Variants in ARHGEF17 observed in about 807,000 individuals in gnomAD.
The protein encoded by ARHGEF17 is 164 kDa Rho-specific guanine-nucleotide exchange factor.
A neutral mutation model predicts 174.0 loss-of-function variants in ARHGEF17; 80 were observed. That is an observed-to-expected ratio of 0.46 (90% CI 0.38 to 0.55). The LOEUF (loss-of-function observed/expected upper bound fraction) is 0.55. Among genes scored for constraint, ARHGEF17 ranks in the 20% least tolerant of loss-of-function variants. The probability of loss-of-function intolerance (pLI) is 0.00; values close to 1 mark genes in which losing one functional copy is unlikely to be tolerated. For synonymous variants in ARHGEF17, 1,311 were observed against 1,189.1 expected (o/e 1.10, Z -2.11); for missense variants, 2,886 against 2,839.7 (o/e 1.02, Z -0.37).
chr11:73,313,992 C>T (rs529300221), intron 1 of ARHGEF17, among the ~76,000 whole-genome samples: 2 of 152,320 alleles, frequency 1.3e-5, no homozygotes, highest in African/African-American at 4.8e-5. Context: ...CCTCGGGGGC[C>T]TCAGTATAAC....
intron 1 of ARHGEF17, among the ~76,000 whole-genome samples, chr11:73,324,704 G>T (rs568512854): frequency 6.6e-6 from 1 of 152,366 alleles, no homozygotes; most frequent in East Asian, 1.9e-4. Context: ...TTTCAGGACT[G>T]CCTGAGTTGG....
In ARHGEF17 at chr11:73,356,592, G is replaced by T. The variant is rs569039804; in HGVS notation, c.3841-117G>T. 3.3e-5 allele frequency: 45 copies of T among 1,380,870 alleles called. No homozygotes were observed. In the South Asian group the frequency reaches 5.6e-4, roughly 17 times the overall value. 85.5% of individuals were successfully genotyped at this position (1,380,870 alleles called of 1,614,324 possible). Reference sequence around the variant, plus strand: ...AGCACAAGGGCATTGAGGGTGGGAAGCATGCTGCTTCCATTGGCCTAGCCC... The same window carrying T: ...AGCACAAGGGCATTGAGGGTGGGAATCATGCTGCTTCCATTGGCCTAGCCC... On this transcript the variant is annotated intron_variant, in intron 6 of 20. Transcript: ENST00000263674.
chr11:73,352,213 A>C (rs892282890), intron 2 of ARHGEF17, among the ~76,000 whole-genome samples: 1 of 152,096 alleles, frequency 6.6e-6, no homozygotes, highest in African/African-American at 2.4e-5. Flanking sequence ...AATCCCAGCT[A>C]CTCGGGAGGC....
chr11:73,315,564 G>A (rs1308262453), intron 1 of ARHGEF17, among the ~76,000 whole-genome samples: 23 of 152,154 alleles, frequency 1.5e-4, no homozygotes, highest in Admixed American at 1.3e-3. Flanking sequence ...AACTGGTTCT[G>A]GGGGGAAAGG....
intron 1 of ARHGEF17, among the ~76,000 whole-genome samples, chr11:73,324,091 G>A (rs181845041): frequency 1.3e-3 from 205 of 152,298 alleles, no homozygotes; most frequent in African/African-American, 4.2e-3. Flanking sequence ...TTAGGAAAAC[G>A]GCCGTGTAGG....
intron 1 of ARHGEF17, among the ~76,000 whole-genome samples, chr11:73,323,371 G>C (rs1331598077): frequency 6.6e-6 from 1 of 152,220 alleles, no homozygotes; most frequent in Non-Finnish European, 1.5e-5. Context: ...CTGAGGGAGA[G>C]GGACTGGTAG....
Position 73,308,660 on chromosome 11 carries a change from C to A in ARHGEF17, c.22C>A (p.Pro8Thr), listed in dbSNP as rs907588553. ...CACTATGGCGGACGGGGCACCCCGG[C>A]CCCAGCTTTACCGCAGCGTCTCGTT... MADGAPRPQLYRSVSFKL... is the reference protein window; with the variant it reads MADGAPRTQLYRSVSFKL... The change falls in exon 1 of 21, where the codon CCC becomes ACC. Residue 8 changes from proline (P) to threonine (T), a missense_variant. Pro to Thr is a conservative substitution (Grantham distance 38). Transcript: ENST00000263674. 6.6e-7 allele frequency: 1 copy of A among 1,512,182 alleles called. No homozygotes were observed. The highest frequency in any genetic ancestry group is 1.4e-5 in the African/African-American group (1 of 69,062). 93.7% of individuals were successfully genotyped at this position (1,512,182 alleles called of 1,614,324 possible).
intron 1 of ARHGEF17, among the ~76,000 whole-genome samples, chr11:73,329,213 C>T (rs879038841): frequency 1.3e-5 from 2 of 149,478 alleles, no homozygotes; most frequent in Admixed American, 1.3e-4. Context: ...CCAGCAAATT[C>T]ATCATCTGTT....
Position 73,308,463 on chromosome 11 carries a change from TG to T in ARHGEF17, c.-174del. The T allele has an allele frequency of 1.8e-6, 1 of 550,488 alleles. No homozygotes were observed. Among genetic ancestry groups the T allele is most frequent in the Non-Finnish European group, 2.8e-6 (1 of 356,814 alleles). The allele number at this position is 550,488 out of a possible 1,614,324, so 34.1% of individuals were successfully genotyped here. A position where few individuals can be genotyped will look rare whatever the true frequency, so the allele number is the denominator to read the frequency against. On this transcript the variant is annotated 5_prime_UTR_variant, in exon 1 of 21. An upstream open reading frame in the 5' UTR loses its in-frame stop. Transcript: ENST00000263674. ...CCCGGGATGGAGACGTTGCGGCCGG[TG>T]GCCACAGAAACTTGAGCCGCGGCAG...
chr11:73,332,349 CCGTG>C (rs1239299405), intron 1 of ARHGEF17, among the ~76,000 whole-genome samples: 178 of 114,350 alleles, frequency 1.6e-3, no homozygotes, highest in African/African-American at 5.9e-3. Flanking sequence ...GGCTTTTTCT[CCGTG>C]TGTGTGTGTG....
At chr11:73,338,841 C>T (rs1303891157) in intron 1 of ARHGEF17, among the ~76,000 whole-genome samples, 1 of 151,906 alleles carries the variant, frequency 6.6e-6, no homozygotes, top group Non-Finnish European at 1.5e-5. Context: ...CTCTCTGAGC[C>T]TCAGTTTCCT....
intron 1 of ARHGEF17, among the ~76,000 whole-genome samples, chr11:73,340,397 T>A (rs1343159480): frequency 1.3e-5 from 2 of 152,122 alleles, no homozygotes; most frequent in African/African-American, 4.8e-5. Flanking sequence ...CAGGACCTTG[T>A]TCTTGCCATG....
intron 1 of ARHGEF17, among the ~76,000 whole-genome samples, chr11:73,332,459 A>G (rs1365928355): frequency 1.4e-5 from 2 of 145,108 alleles, no homozygotes; most frequent in Non-Finnish European, 3.0e-5. Flanking sequence ...TGCTTCTTTC[A>G]TTTGATGTTA....
At chr11:73,363,568 G>A in intron 15 of ARHGEF17, 113 bp downstream of exon 15, 5 of 1,518,458 alleles carry the variant, frequency 3.3e-6, no homozygotes, top group Non-Finnish European at 4.4e-6. Context: ...ACACCTCAGG[G>A]GTACTGCTGA....
chr11:73,333,063 T>A (rs1865233958), intron 1 of ARHGEF17, among the ~76,000 whole-genome samples: 1 of 152,200 alleles, frequency 6.6e-6, no homozygotes, highest in African/African-American at 2.4e-5. Context: ...CACACATGAC[T>A]TCTCACTGAG....
chr11:73,323,668 A>G lies in ARHGEF17; in HGVS notation c.3192+11838A>G, dbSNP rs577627526. Among the ~76,000 whole-genome samples the G allele has an allele frequency of 1.3e-4, 20 of 152,342 alleles. 1 individual carries two copies. The East Asian group carries it at 3.7e-3, about 28-fold the overall frequency. Reference sequence around the variant, plus strand: ...CCTCTGGCCTGGACCCGCCACTTCCAGGCTTCTCCCCAAGGCCAGCGGGGG... The same window carrying G: ...CCTCTGGCCTGGACCCGCCACTTCCGGGCTTCTCCCCAAGGCCAGCGGGGG... On this transcript the variant is annotated intron_variant, in intron 1 of 20. Transcript: ENST00000263674.
chr11:73,311,850 C>A lies in ARHGEF17; in HGVS notation c.3192+20C>A, dbSNP rs780923832. 1.9e-6 allele frequency: 3 copies of A among 1,573,770 alleles called. No homozygotes were observed. The Admixed American group carries it at 5.3e-5, about 28-fold the overall frequency. ...CAGGTGGTGAGTCCTTTGTAGGGGC[C>A]TTCAGATTGGGGCCAAAGAAGGGCC... On this transcript the variant is annotated intron_variant, in intron 1 of 20. Coordinates refer to ENST00000263674, the MANE Select transcript of ARHGEF17 (RefSeq NM_014786.4).
intron 1 of ARHGEF17, among the ~76,000 whole-genome samples, chr11:73,321,945 G>T (rs1865023750): frequency 6.6e-6 from 1 of 152,150 alleles, no homozygotes; most frequent in Admixed American, 6.5e-5. Context: ...GGGTGAGCAG[G>T]CCCTGCTCCC....
At chr11:73,318,004 C>T (rs941044480) in intron 1 of ARHGEF17, among the ~76,000 whole-genome samples, 1 of 152,130 alleles carries the variant, frequency 6.6e-6, no homozygotes, top group African/African-American at 2.4e-5. Context: ...AAGTTCCATC[C>T]CCCTTCAGAG....
Sources: gnomAD v4.1 joint callset for allele counts (sites outside exome capture counted in the v4.1 genomes callset) on GRCh38, gnomAD v4.1.1 for gene constraint, MANE v1.5 for transcripts, NCBI Gene and HGNC (gene_info 2026-07-23, HGNC 2026-07-21) for gene names.